MALRD1: variants seen among roughly 807,000 people sequenced by gnomAD.
MALRD1 encodes MAM and LDL receptor class A domain containing 1.
MALRD1 carries 247 observed loss-of-function variants against 242.1 expected under a neutral mutation model. The ratio of observed to expected loss-of-function variants is 1.02; its 90% CI spans 0.92 to 1.13. MALRD1 has a LOEUF of 1.13. Among genes scored for constraint, MALRD1 ranks in the 50% most tolerant of loss-of-function variants. The pLI, the probability that MALRD1 is intolerant of heterozygous loss-of-function variation, is 0.00. For missense variants in MALRD1, 2,989 were observed against 2,533.1 expected, an observed-to-expected ratio of 1.18 and a Z score of -3.86; for synonymous variants, 995 against 866.6, an observed-to-expected ratio of 1.15 and a Z score of -2.60.
intron 31 of MALRD1, among the ~76,000 whole-genome samples, chr10:19,503,631 T>G (rs1364879246): frequency 6.6e-6 from 1 of 152,242 alleles, no homozygotes; most frequent in Non-Finnish European, 1.5e-5. Flanking sequence ...TCTTTTTCCC[T>G]TCCTTCATAA....
intron 36 of MALRD1, among the ~76,000 whole-genome samples, chr10:19,663,917 T>C (rs954403637): frequency 1.3e-5 from 2 of 152,082 alleles, no homozygotes; most frequent in African/African-American, 4.8e-5. Flanking sequence ...TTGGGGAACT[T>C]TTATTGGCCA....
chr10:19,719,808 C>A (rs2131902531), intron 38 of MALRD1, among the ~76,000 whole-genome samples: 1 of 151,656 alleles, frequency 6.6e-6, no homozygotes, highest in Non-Finnish European at 1.5e-5. Flanking sequence ...AAATTGGCTT[C>A]TTTTCTTTCT....
chr10:19,547,165 T>C (rs1041656248), intron 32 of MALRD1, among the ~76,000 whole-genome samples: 4 of 152,202 alleles, frequency 2.6e-5, no homozygotes, highest in African/African-American at 9.6e-5. Context: ...GTGCTTTATT[T>C]CTGATTACTC....
chr10:19,136,868 A>C (rs779045001), intron 10 of MALRD1, 87 bp downstream of exon 10: 48 of 902,700 alleles, frequency 5.3e-5, no homozygotes, highest in Non-Finnish European at 7.0e-5. Flanking sequence ...CTATCAAGGC[A>C]AAGGTAAGTC....
chr10:19,382,487 C>G (rs1027118779), intron 26 of MALRD1, among the ~76,000 whole-genome samples: 1 of 152,114 alleles, frequency 6.6e-6, no homozygotes, highest in African/African-American at 2.4e-5. Flanking sequence ...TATGTAATCA[C>G]AAACTAGAAG....
chr10:19,253,576 A>G lies in MALRD1; in HGVS notation c.2992-4108A>G, dbSNP rs946510365. Among the ~76,000 whole-genome samples the G allele has an allele frequency of 4.6e-5, 7 of 152,092 alleles. No individual in the cohort carries two copies. In the South Asian group the frequency reaches 1.0e-3, roughly 22 times the overall value. On this transcript the variant is annotated intron_variant, in intron 18 of 39. Coordinates refer to ENST00000454679, the MANE Select transcript of MALRD1 (RefSeq NM_001142308.3). ...TGGAAACAAAGTGTTGGCCCTCTGT[A>G]TACACATCTTTCACAGCCACAAGTA... is the stretch of plus-strand genomic sequence containing the variant.
At chr10:19,665,105 CA>C (rs1236116062) in intron 36 of MALRD1, among the ~76,000 whole-genome samples, 1 of 151,942 alleles carries the variant, frequency 6.6e-6, no homozygotes, top group East Asian at 1.9e-4. Flanking sequence ...ATTAACAAGA[CA>C]AAAAACAAAC....
intron 21 of MALRD1, among the ~76,000 whole-genome samples, chr10:19,309,601 AC>A (rs1404775544): frequency 1.3e-5 from 2 of 151,584 alleles, no homozygotes; most frequent in Non-Finnish European, 3.0e-5. Flanking sequence ...GACTGTGTGA[AC>A]AGGTGAAAAG....
At chr10:19,237,616 ATAATTATAT>A in intron 18 of MALRD1, among the ~76,000 whole-genome samples, 1 of 94,744 alleles carries the variant, frequency 1.1e-5, no homozygotes, top group African/African-American at 4.2e-5. Context: ...TTATAATTAT[ATAATTATAT>A]AATTATAATT....
chr10:19,585,985 A>G (rs1837372735), intron 33 of MALRD1, among the ~76,000 whole-genome samples: 1 of 151,890 alleles, frequency 6.6e-6, no homozygotes, highest in Non-Finnish European at 1.5e-5. Context: ...TTCATCTTCC[A>G]TCGCTGATAC....
chr10:19,069,032 G>T (rs1180442076), intron 2 of MALRD1, among the ~76,000 whole-genome samples: 2 of 152,034 alleles, frequency 1.3e-5, no homozygotes, highest in African/African-American at 4.8e-5. Context: ...TGTAAGGATG[G>T]TGAAACTGCC....
intron 32 of MALRD1, among the ~76,000 whole-genome samples, chr10:19,547,498 A>G (rs1835258299): frequency 1.3e-5 from 2 of 151,796 alleles, no homozygotes; most frequent in South Asian, 2.1e-4. Context: ...ACCTAAAACC[A>G]CATCTGAAAT....
chr10:19,439,751 G>A (rs1199264013), intron 28 of MALRD1, among the ~76,000 whole-genome samples: 2 of 151,956 alleles, frequency 1.3e-5, no homozygotes, highest in East Asian at 1.9e-4. Context: ...CTATTGTTTT[G>A]AATGTGTCAT....
intron 5 of MALRD1, among the ~76,000 whole-genome samples, chr10:19,106,661 T>C (rs1836475685): frequency 6.6e-6 from 1 of 151,938 alleles, no homozygotes; most frequent in African/African-American, 2.4e-5. Context: ...TATTATTTAT[T>C]TCCTTCTACT....
At chr10:19,584,853 G>C (rs1388021092) in intron 33 of MALRD1, among the ~76,000 whole-genome samples, 1 of 151,614 alleles carries the variant, frequency 6.6e-6, no homozygotes, top group East Asian at 1.9e-4. Flanking sequence ...TTAATGTGTG[G>C]GAGTCTAAGT....
At chr10:19,342,985 A>G (rs1402696095) in intron 24 of MALRD1, among the ~76,000 whole-genome samples, 1 of 152,150 alleles carries the variant, frequency 6.6e-6, no homozygotes, top group Non-Finnish European at 1.5e-5. Context: ...TGTTTGATAT[A>G]TAATATGCCT....
chr10:19,284,212 T>C (rs934080229), intron 21 of MALRD1, among the ~76,000 whole-genome samples: 2 of 152,190 alleles, frequency 1.3e-5, no homozygotes, highest in African/African-American at 4.8e-5. Context: ...ATGAATATTT[T>C]CTAGTGTTGT....
At chr10:19,403,961 A>C (rs1054079990) in intron 28 of MALRD1, among the ~76,000 whole-genome samples, 2 of 152,164 alleles carry the variant, frequency 1.3e-5, no homozygotes, top group African/African-American at 4.8e-5. Context: ...TGTATTGTGA[A>C]AAGCAGAAAA....
intron 26 of MALRD1, among the ~76,000 whole-genome samples, chr10:19,386,233 C>T (rs1009542057): frequency 3.9e-5 from 6 of 152,114 alleles, no homozygotes; most frequent in African/African-American, 1.4e-4. Context: ...CCAGCCGTTT[C>T]CAGCTCCCAG....
Sources: allele counts gnomAD v4.1 joint callset (sites outside exome capture counted in the v4.1 genomes callset), GRCh38; gene constraint gnomAD v4.1.1; transcripts MANE v1.5; gene names NCBI Gene and HGNC (gene_info 2026-07-23, HGNC 2026-07-21).